Variants in DLGAP1 observed in about 807,000 individuals in gnomAD.
DLGAP1 encodes disks large-associated protein 1.
In DLGAP1, 11 loss-of-function variants were observed where a neutral mutation model predicts 90.8. The ratio of observed to expected loss-of-function variants is 0.12; its 90% CI spans 0.08 to 0.20. The LOEUF (loss-of-function observed/expected upper bound fraction) is 0.20, where lower values mean the gene tolerates loss of function less well. Ranked by LOEUF, DLGAP1 falls within the 10% of genes least tolerant of loss-of-function variation. DLGAP1 has a pLI of 1.00. For missense variants in DLGAP1, 1,050 were observed against 1,333.8 expected (o/e 0.79, Z 3.31); for synonymous variants, 558 against 540.7 (o/e 1.03, Z -0.44).
intron 1 of DLGAP1, among the ~76,000 whole-genome samples, chr18:4,448,728 C>T (rs530670491): frequency 6.6e-6 from 1 of 152,100 alleles, no homozygotes; most frequent in Non-Finnish European, 1.5e-5. Flanking sequence ...ACAGAATACA[C>T]TACATGTCTG....
At chr18:3,532,595 A>G (rs934946698) in intron 10 of DLGAP1, among the ~76,000 whole-genome samples, 9 of 152,028 alleles carry the variant, frequency 5.9e-5, no homozygotes, top group African/African-American at 1.7e-4. Context: ...AAAAAAGAAA[A>G]AAAAAGAAAA....
intron 3 of DLGAP1, among the ~76,000 whole-genome samples, chr18:3,891,774 T>A (rs2071465937): frequency 6.6e-6 from 1 of 152,108 alleles, no homozygotes; most frequent in Admixed American, 6.5e-5. Context: ...TAGTAATTTT[T>A]AAATTTTTTT....
intron 4 of DLGAP1, among the ~76,000 whole-genome samples, chr18:3,845,859 T>G (rs934521816): frequency 3.3e-5 from 5 of 152,194 alleles, no homozygotes; most frequent in African/African-American, 4.8e-5. Flanking sequence ...AAAATAACAA[T>G]AGATTTCCAT....
At chr18:4,013,801 A>T (rs2074472039) in intron 2 of DLGAP1, 1 of 152,250 alleles carries the variant, frequency 6.6e-6, no homozygotes, top group South Asian at 2.1e-4. Flanking sequence ...AGTAACTTTA[A>T]TGAATCTACT....
chr18:3,506,088 A>AT (rs1261048189), intron 11 of DLGAP1, among the ~76,000 whole-genome samples: 7 of 151,874 alleles, frequency 4.6e-5, no homozygotes, highest in Admixed American at 6.6e-5. Context: ...AATACAAAAA[A>AT]TTAGCTGGGT....
At chr18:3,603,893 A>G (rs1199026163) in intron 7 of DLGAP1, 2 of 154,322 alleles carry the variant, frequency 1.3e-5, no homozygotes, top group Non-Finnish European at 1.5e-5. Context: ...ACCACTCCCT[A>G]TGGCTTTGCA....
chr18:3,570,957 C>T (rs1214196217), intron 8 of DLGAP1, among the ~76,000 whole-genome samples: 1 of 147,254 alleles, frequency 6.8e-6, no homozygotes, highest in Non-Finnish European at 1.5e-5. Context: ...AATTTAAAAA[C>T]AGAACAAACC....
chr18:3,838,105 T>G (rs1336312069), intron 4 of DLGAP1, among the ~76,000 whole-genome samples: 1 of 152,160 alleles, frequency 6.6e-6, no homozygotes, highest in Non-Finnish European at 1.5e-5. Context: ...GTCAACTGTC[T>G]GTGGAAAAAG....
chr18:4,060,767 T>C (rs1051283492), intron 2 of DLGAP1, among the ~76,000 whole-genome samples: 1 of 152,098 alleles, frequency 6.6e-6, no homozygotes, highest in African/African-American at 2.4e-5. Flanking sequence ...TGATAAAGGA[T>C]CTTGTATGGT....
intron 1 of DLGAP1, among the ~76,000 whole-genome samples, chr18:4,164,067 A>G (rs570591434): frequency 6.4e-4 from 98 of 152,154 alleles, no homozygotes; most frequent in African/African-American, 2.1e-3. Context: ...CAGCAGACCA[A>G]AATAGCAATG....
At chr18:3,628,453 G>T (rs2058396142) in intron 7 of DLGAP1, among the ~76,000 whole-genome samples, 3 of 152,110 alleles carry the variant, frequency 2.0e-5, no homozygotes. Context: ...CTCCCAGAGT[G>T]CTGGGATTAC....
chr18:4,085,128 G>A (rs1351139276), intron 2 of DLGAP1, among the ~76,000 whole-genome samples: 1 of 152,150 alleles, frequency 6.6e-6, no homozygotes, highest in East Asian at 1.9e-4. Flanking sequence ...GGCAGTCTTG[G>A]TGCAACTGAA....
chr18:3,814,164 C>A lies in DLGAP1; in HGVS notation c.1067G>T (p.Ser356Ile). The change falls in exon 5 of 13, where the codon AGT becomes ATT. Residue 356 changes from serine to isoleucine, a missense_variant. Physicochemically the swap from Ser to Ile is moderately radical, Grantham distance 142. Coordinates refer to ENST00000315677, the MANE Select transcript of DLGAP1 (RefSeq NM_004746.4). ...SYIKAMGDEDSGDSDTSPKPS... is the reference protein window; with the variant it reads ...SYIKAMGDEDIGDSDTSPKPS... The stretch of plus-strand genomic sequence containing the variant: ...CTTAGGACTCGTGTCTGAGTCTCCA[C>A]TGTCTTCATCCCCCATGGCCTTGAT... 6.2e-7 allele frequency: 1 copy of A among 1,614,136 alleles called. No individual in the cohort carries two copies. Among genetic ancestry groups the A allele is most frequent in the Non-Finnish European group, 8.5e-7 (1 of 1,180,014 alleles).
At chr18:4,090,935 C>G (rs2075765052) in intron 2 of DLGAP1, among the ~76,000 whole-genome samples, 1 of 152,220 alleles carries the variant, frequency 6.6e-6, no homozygotes, top group Admixed American at 6.5e-5. Context: ...AGACCACATC[C>G]TTTGCAGGGA....
rs2071652820 is a variant in DLGAP1, at chr18:3,897,392, A to G, written c.-72-17252T>C. 1.3e-5 allele frequency among the ~76,000 whole-genome samples: 2 copies of G among 152,236 alleles called. 1 individual carries two copies. The highest frequency in any genetic ancestry group is 4.1e-4 in the South Asian group (2 of 4,836). On this transcript the variant is annotated intron_variant, in intron 3 of 12. Coordinates refer to ENST00000315677, the MANE Select transcript of DLGAP1 (RefSeq NM_004746.4). ...TCCACAAAAGCTAGTAAAAGAGCTA[A>G]CATTCATGTATTTTTTTTCCCAACA...
At chr18:3,552,263 T>C (rs1304592622) in intron 9 of DLGAP1, among the ~76,000 whole-genome samples, 2 of 152,208 alleles carry the variant, frequency 1.3e-5, no homozygotes, top group Non-Finnish European at 2.9e-5. Context: ...TTTCTGAATG[T>C]TCCTGAACAA....
intron 7 of DLGAP1, among the ~76,000 whole-genome samples, chr18:3,682,770 A>AT (rs1598336707): frequency 6.6e-6 from 1 of 152,110 alleles, no homozygotes; most frequent in East Asian, 1.9e-4. Context: ...GAAAGCACTG[A>AT]TAACACAGGA....
chr18:3,754,610 T>A (rs1011332105), intron 5 of DLGAP1, among the ~76,000 whole-genome samples: 3 of 146,124 alleles, frequency 2.1e-5, no homozygotes, highest in African/African-American at 7.6e-5. Flanking sequence ...GGGTGGGGGG[T>A]GGCTCACACC....
chr18:4,043,236 A>C (rs1229349017), intron 2 of DLGAP1, among the ~76,000 whole-genome samples: 2 of 152,248 alleles, frequency 1.3e-5, no homozygotes, highest in African/African-American at 4.8e-5. Context: ...TTTAATTAAC[A>C]AAAAGCATTT....
Sources: gnomAD v4.1 joint callset for allele counts (sites outside exome capture counted in the v4.1 genomes callset) on GRCh38, gnomAD v4.1.1 for gene constraint, MANE v1.5 for transcripts, NCBI Gene and HGNC (gene_info 2026-07-23, HGNC 2026-07-21) for gene names.